Variants in CYRIB observed in about 807,000 individuals in gnomAD.
CYRIB encodes CYFIP-related Rac1 interactor B.
In CYRIB, 8 loss-of-function variants were observed where a neutral mutation model predicts 44.2. The observed-to-expected ratio is 0.18, with a 90% CI of 0.11 to 0.33. The LOEUF (loss-of-function observed/expected upper bound fraction) is 0.33, where lower values mean the gene tolerates loss of function less well. Among genes scored for constraint, CYRIB ranks in the 10% least tolerant of loss-of-function variants. The pLI, the probability that CYRIB is intolerant of heterozygous loss-of-function variation, is 1.00. For missense variants in CYRIB, 185 were observed against 382.8 expected (o/e 0.48, Z 4.31); for synonymous variants, 131 against 127.2 (o/e 1.03, Z -0.20).
At chr8:129,875,951 T>C (rs2058959941) in intron 3 of CYRIB, among the ~76,000 whole-genome samples, 1 of 151,870 alleles carries the variant, frequency 6.6e-6, no homozygotes, top group East Asian at 1.9e-4. Flanking sequence ...CCATCTCTAC[T>C]AAAAATAAAA....
At chr8:129,853,438 A>G (rs1182843272) in intron 7 of CYRIB, among the ~76,000 whole-genome samples, 2 of 152,216 alleles carry the variant, frequency 1.3e-5, no homozygotes, top group African/African-American at 4.8e-5. Context: ...TTTCAAGGAA[A>G]AAGAAAATGA....
intron 2 of CYRIB, among the ~76,000 whole-genome samples, chr8:129,888,867 C>T (rs1039114786): frequency 1.3e-5 from 2 of 152,026 alleles, no homozygotes; most frequent in Non-Finnish European, 1.5e-5. Flanking sequence ...CCGAGGTGGG[C>T]GGATCACCTG....
At chr8:129,898,001 T>C (rs1042522743) in intron 2 of CYRIB, among the ~76,000 whole-genome samples, 4 of 151,986 alleles carry the variant, frequency 2.6e-5, no homozygotes, top group Non-Finnish European at 5.9e-5. Context: ...CCTGACCAGG[T>C]GATCCACCCG....
At chr8:129,976,279 T>C (rs573321924) in intron 1 of CYRIB, among the ~76,000 whole-genome samples, 42 of 152,318 alleles carry the variant, frequency 2.8e-4, no homozygotes, top group African/African-American at 1.0e-3. Flanking sequence ...CAACGCTTTA[T>C]TGCTTTATTT....
At chr8:129,862,179 T>A (rs775662667) in intron 5 of CYRIB, 50 bp downstream of exon 7, 1 of 1,328,608 alleles carries the variant, frequency 7.5e-7, no homozygotes, top group South Asian at 1.2e-5. Context: ...CTGGAATGAA[T>A]AAACATCTTT....
chr8:129,997,119 A>AAGGAGGAGGAGGAGG (rs138647640), intron 1 of CYRIB, among the ~76,000 whole-genome samples: 114 of 89,914 alleles, frequency 1.3e-3, no homozygotes, highest in South Asian at 6.2e-3. Context: ...GGAAGGAAGG[A>AAGGAGGAGGAGGAGG]AGGAGGAGGA....
At chr8:129,997,777 G>A (rs1186447351) in intron 1 of CYRIB, among the ~76,000 whole-genome samples, 9 of 152,078 alleles carry the variant, frequency 5.9e-5, no homozygotes, top group African/African-American at 2.2e-4. Context: ...GTTCCTTGGG[G>A]ACAGCCTTTG....
intron 1 of CYRIB, among the ~76,000 whole-genome samples, chr8:130,013,042 T>C (rs2097261734): frequency 6.6e-6 from 1 of 152,202 alleles, no homozygotes; most frequent in Non-Finnish European, 1.5e-5. Flanking sequence ...ATTTCCTTCT[T>C]TCAAGAAGCT....
intron 1 of CYRIB, among the ~76,000 whole-genome samples, chr8:129,984,416 A>G (rs907085825): frequency 6.6e-6 from 1 of 152,108 alleles, no homozygotes; most frequent in Non-Finnish European, 1.5e-5. Context: ...TAGGAAGCCC[A>G]CAGTCACTGC....
chr8:129,923,861 G>A (rs1171486773), intron 1 of CYRIB, among the ~76,000 whole-genome samples: 1 of 149,962 alleles, frequency 6.7e-6, no homozygotes, highest in African/African-American at 2.5e-5. Context: ...ACGAACATAT[G>A]TGAATATCTA....
chr8:129,917,267 C>T (rs1376943245), intron 1 of CYRIB, among the ~76,000 whole-genome samples: 2 of 152,194 alleles, frequency 1.3e-5, no homozygotes, highest in Non-Finnish European at 2.9e-5. Flanking sequence ...CTTACCTGTA[C>T]TGTAAGACCT....
rs186731984 is a variant in CYRIB at position 129,879,533 on chromosome 8, T to C, written c.-10-62A>G. Reference sequence around the variant, plus strand: ...TTTATAAAAAAGAACATCTGAAGTTTACTTAAAGAAAAATAGTAACAGGGA... The same window carrying C: ...TTTATAAAAAAGAACATCTGAAGTTCACTTAAAGAAAAATAGTAACAGGGA... On this transcript the variant is annotated intron_variant, in intron 2 of 11. Transcript: ENST00000519824. The C allele has an allele frequency of 1.3e-4, 154 of 1,217,398 alleles. No individual in the cohort carries two copies. The African/African-American group carries it at 2.1e-3, about 16-fold the overall frequency. The allele number at this position is 1,217,398 out of a possible 1,614,324, so 75.4% of individuals were successfully genotyped here. A position where few individuals can be genotyped will look rare whatever the true frequency, so the allele number is the denominator to read the frequency against.
At chr8:129,849,564 G>T in intron 9 of CYRIB, 195 bp from the exon 12 acceptor site, 1 of 468,072 alleles carries the variant, frequency 2.1e-6, no homozygotes, top group Non-Finnish European at 3.7e-6. Flanking sequence ...TCAACCCCCT[G>T]AAAGGGATAT....
chr8:130,006,892 A>C (rs1438540644), intron 1 of CYRIB, among the ~76,000 whole-genome samples: 2 of 151,362 alleles, frequency 1.3e-5, no homozygotes, highest in Non-Finnish European at 2.9e-5. Context: ...GCATCCAAAC[A>C]TTGAAATTTT....
At chr8:129,967,374 T>TTG (rs1178770842) in intron 2 of CYRIB, among the ~76,000 whole-genome samples, 232 of 145,118 alleles carry the variant, frequency 1.6e-3, no homozygotes, top group African/African-American at 6.3e-3. Flanking sequence ...TTGTTTTGTT[T>TTG]TTTTGTTTTT....
chr8:129,842,436 C>T (rs7846233), intron 11 of CYRIB, among the ~76,000 whole-genome samples: 3,413 of 152,244 alleles, frequency 0.022, 140 homozygotes, highest in African/African-American at 0.076. Context: ...TACAACTACA[C>T]TGCTGAAATG....
rs377750586 is a variant in CYRIB at position 129,999,416 on chromosome 8, G to A, written c.-296+16954C>T. ...GGAACACAGAGTGAGCAAATGGCAG[G>A]GCTAGTGACACGATGCAGAGGCAAG... On this transcript the variant is annotated intron_variant, in intron 1 of 14. Transcript: ENST00000401979. 8.5e-5 allele frequency among the ~76,000 whole-genome samples: 13 copies of A among 152,336 alleles called. 1 individual carries two copies. The highest frequency in any genetic ancestry group is 5.9e-4 in the Admixed American group (9 of 15,306).
At chr8:129,988,804 A>C (rs139460615) in intron 1 of CYRIB, among the ~76,000 whole-genome samples, 2 of 150,962 alleles carry the variant, frequency 1.3e-5, no homozygotes, top group East Asian at 3.9e-4. Context: ...GTTTTAATTG[A>C]AAAACGACCA....
chr8:129,862,871 T>C (rs993060516), intron 4 of CYRIB, among the ~76,000 whole-genome samples: 3 of 152,214 alleles, frequency 2.0e-5, no homozygotes, highest in African/African-American at 7.2e-5. Context: ...GCTCCATAGA[T>C]ACTTCAACCT....
Sources: allele counts gnomAD v4.1 joint callset (sites outside exome capture counted in the v4.1 genomes callset), GRCh38; gene constraint gnomAD v4.1.1; transcripts MANE v1.5; gene names NCBI Gene and HGNC (gene_info 2026-07-23, HGNC 2026-07-21).